The following FRMD5 variants were observed in gnomAD, a reference collection of about 807,000 sequenced individuals.
FRMD5 encodes the protein FERM domain containing 5, also known as FERM domain-containing protein 5.
A neutral mutation model predicts 69.0 loss-of-function variants in FRMD5; 20 were observed. The observed-to-expected ratio is 0.29, with a 90% CI of 0.20 to 0.42. The LOEUF (loss-of-function observed/expected upper bound fraction) is 0.42, where lower values mean the gene tolerates loss of function less well. FRMD5 is among the 10% of genes least tolerant of loss of function. The pLI is 1.00. For missense variants in FRMD5, 595 were observed against 708.6 expected (o/e 0.84, Z 1.82); for synonymous variants, 271 against 260.1 (o/e 1.04, Z -0.40).
intron 1 of FRMD5, among the ~76,000 whole-genome samples, chr15:44,026,630 T>G (rs1344841353): frequency 6.6e-6 from 1 of 152,216 alleles, no homozygotes; most frequent in Non-Finnish European, 1.5e-5. Flanking sequence ...TTAGGACTAT[T>G]ATTTTTTCTT....
chr15:43,957,545 G>T (rs916710132), intron 1 of FRMD5, among the ~76,000 whole-genome samples: 3 of 152,176 alleles, frequency 2.0e-5, no homozygotes, highest in African/African-American at 7.2e-5. Flanking sequence ...TTGAGCCAGG[G>T]GCTCAAGCCC....
chr15:44,144,065 G>C (rs1162596298), intron 1 of FRMD5, among the ~76,000 whole-genome samples: 2 of 151,930 alleles, frequency 1.3e-5, no homozygotes, highest in African/African-American at 4.8e-5. Context: ...TGAAGTCCCT[G>C]AGAACTTTTC....
intron 1 of FRMD5, among the ~76,000 whole-genome samples, chr15:44,161,629 A>G (rs1266513436): frequency 1.3e-5 from 2 of 152,210 alleles, no homozygotes; most frequent in African/African-American, 4.8e-5. Context: ...TGATTTGTAT[A>G]AATTACTACC....
At chr15:43,919,092 T>C (rs1343844315) in intron 4 of FRMD5, 6 of 366,358 alleles carry the variant, frequency 1.6e-5, no homozygotes, top group Non-Finnish European at 3.3e-5. Context: ...ATTAGACCAC[T>C]TGAATCTATT....
chr15:44,000,185 A>G (rs1403526497), intron 1 of FRMD5, among the ~76,000 whole-genome samples: 1 of 151,388 alleles, frequency 6.6e-6, no homozygotes, highest in Admixed American at 6.6e-5. Context: ...ACAGGGTCTT[A>G]CTATATTGCC....
chr15:44,051,039 T>G (rs1365368475), intron 1 of FRMD5, among the ~76,000 whole-genome samples: 1 of 151,566 alleles, frequency 6.6e-6, no homozygotes, highest in African/African-American at 2.4e-5. Context: ...AAGCAAATAA[T>G]TAGATCCTAA....
intron 1 of FRMD5, among the ~76,000 whole-genome samples, chr15:44,055,097 G>A (rs755211996): frequency 3.3e-5 from 5 of 151,284 alleles, no homozygotes; most frequent in Non-Finnish European, 5.9e-5. Flanking sequence ...AAAGAGTGGA[G>A]CTGTTTCCTA....
At chr15:44,037,387 T>C (rs918188042) in intron 1 of FRMD5, among the ~76,000 whole-genome samples, 3 of 152,192 alleles carry the variant, frequency 2.0e-5, no homozygotes, top group South Asian at 2.1e-4. Context: ...CAGTCTATCA[T>C]TGATGGGCAT....
At chr15:44,189,689 AC>A (rs1202732397) in intron 1 of FRMD5, among the ~76,000 whole-genome samples, 2 of 151,866 alleles carry the variant, frequency 1.3e-5, no homozygotes, top group East Asian at 3.9e-4. Flanking sequence ...CGGGGGTTTT[AC>A]CATGTTGACC....
chr15:44,130,084 G>A (rs2077077727), intron 1 of FRMD5, among the ~76,000 whole-genome samples: 1 of 152,172 alleles, frequency 6.6e-6, no homozygotes, highest in Non-Finnish European at 1.5e-5. Flanking sequence ...GGTGATTCCT[G>A]TGGTCAATGG....
intron 1 of FRMD5, among the ~76,000 whole-genome samples, chr15:43,999,171 G>A (rs1890070069): frequency 6.6e-6 from 1 of 151,972 alleles, no homozygotes; most frequent in African/African-American, 2.4e-5. Context: ...AGGTTCAAGT[G>A]ATTCTCCTGC....
intron 1 of FRMD5, among the ~76,000 whole-genome samples, chr15:44,057,768 T>G (rs750227322): frequency 3.9e-5 from 6 of 152,214 alleles, no homozygotes; most frequent in Non-Finnish European, 8.8e-5. Context: ...CTATTTGATC[T>G]TGAACAATGA....
chr15:44,190,772 GAAGTT>G (rs1332494404), intron 1 of FRMD5, among the ~76,000 whole-genome samples: 2 of 152,182 alleles, frequency 1.3e-5, no homozygotes, highest in African/African-American at 4.8e-5. Flanking sequence ...AATTTGAAGT[GAAGTT>G]AACATAGCAA....
chr15:44,144,320 T>C (rs1158563740), intron 1 of FRMD5, among the ~76,000 whole-genome samples: 1 of 152,234 alleles, frequency 6.6e-6, no homozygotes, highest in African/African-American at 2.4e-5. Context: ...TAAGTCCAAC[T>C]CAGCCTCCAA....
intron 1 of FRMD5, among the ~76,000 whole-genome samples, chr15:44,091,848 C>G (rs1461606719): frequency 6.6e-6 from 1 of 151,960 alleles, no homozygotes. Flanking sequence ...GCCTGAGCCT[C>G]TACTCTCCTC....
intron 1 of FRMD5, among the ~76,000 whole-genome samples, chr15:43,942,628 T>C (rs1345822497): frequency 1.3e-5 from 2 of 152,228 alleles, no homozygotes; most frequent in Non-Finnish European, 2.9e-5. Context: ...TAATTTTAAA[T>C]GTTTACAGTG....
intron 1 of FRMD5, among the ~76,000 whole-genome samples, chr15:44,191,100 T>C (rs1473725755): frequency 1.3e-5 from 2 of 152,226 alleles, no homozygotes; most frequent in African/African-American, 4.8e-5. Context: ...ACCTGGCTGC[T>C]TAATCCATTA....
At chr15:44,185,845 A>C in intron 1 of FRMD5, among the ~76,000 whole-genome samples, 2 of 151,712 alleles carry the variant, frequency 1.3e-5, no homozygotes, top group Middle Eastern at 3.2e-3. Context: ...GGCAGGCTAG[A>C]TGCTTTCTCC....
intron 1 of FRMD5, chr15:44,064,227 C>A: frequency 5.7e-6 from 1 of 175,950 alleles, no homozygotes; most frequent in Non-Finnish European, 1.2e-5. Context: ...CCCACCACCA[C>A]TGTGTCTGTC....
Sources: gnomAD v4.1 joint callset for allele counts (sites outside exome capture counted in the v4.1 genomes callset) on GRCh38, gnomAD v4.1.1 for gene constraint, MANE v1.5 for transcripts, NCBI Gene and HGNC (gene_info 2026-07-23, HGNC 2026-07-21) for gene names.